TMTC1: variants seen among roughly 807,000 people sequenced by gnomAD.
The protein encoded by TMTC1 is transmembrane O-mannosyltransferase targeting cadherins 1, also known as protein O-mannosyl-transferase TMTC1.
Under a neutral mutation model 104.8 loss-of-function variants are expected in TMTC1, and 73 were observed. That is an observed-to-expected ratio of 0.70 (90% CI 0.58 to 0.85). The LOEUF (loss-of-function observed/expected upper bound fraction) is 0.85, where lower values mean the gene tolerates loss of function less well. Ranked by LOEUF, TMTC1 falls within the 40% of genes least tolerant of loss-of-function variation. TMTC1 has a pLI of 0.00. For synonymous variants in TMTC1, 434 were observed against 428.7 expected (o/e 1.01, Z -0.15); for missense variants, 1,035 against 1,096.1 (o/e 0.94, Z 0.79).
chr12:29,634,879 C>T (rs1938473589), intron 5 of TMTC1, among the ~76,000 whole-genome samples: 1 of 152,160 alleles, frequency 6.6e-6, no homozygotes, highest in South Asian at 2.1e-4. Flanking sequence ...GAATTCCTGT[C>T]AACAAATAGC....
At chr12:29,552,465 G>A (rs532394376) in intron 10 of TMTC1, among the ~76,000 whole-genome samples, 2 of 152,216 alleles carry the variant, frequency 1.3e-5, no homozygotes, top group East Asian at 3.9e-4. Flanking sequence ...TAAATTACAT[G>A]TATGGCTCTC....
chr12:29,605,901 C>T (rs955254805), intron 6 of TMTC1, among the ~76,000 whole-genome samples: 1 of 152,024 alleles, frequency 6.6e-6, no homozygotes, highest in Non-Finnish European at 1.5e-5. Flanking sequence ...TCTATTGTTC[C>T]CGTCTTTACG....
chr12:29,530,345 T>C (rs1944467342), intron 11 of TMTC1, among the ~76,000 whole-genome samples: 1 of 152,180 alleles, frequency 6.6e-6, no homozygotes, highest in South Asian at 2.1e-4. Flanking sequence ...CACTGCTGAT[T>C]TCAACCAACC....
chr12:29,659,502 C>T (rs921220618), intron 5 of TMTC1, among the ~76,000 whole-genome samples: 4 of 152,162 alleles, frequency 2.6e-5, no homozygotes, highest in African/African-American at 7.2e-5. Context: ...CCATCATCTT[C>T]GGCCATGAAT....
At chr12:29,643,647 G>A (rs868838455) in intron 5 of TMTC1, among the ~76,000 whole-genome samples, 10 of 4,128 alleles carry the variant, frequency 2.4e-3, no homozygotes, top group African/African-American at 7.4e-3. Flanking sequence ...TAATATATAT[G>A]TTATATTATA....
At chr12:29,635,555 T>C (rs1390884571) in intron 5 of TMTC1, among the ~76,000 whole-genome samples, 2 of 152,240 alleles carry the variant, frequency 1.3e-5, no homozygotes, top group Non-Finnish European at 2.9e-5. Context: ...TTATTTATAA[T>C]AGTTAGGTCA....
chr12:29,766,320 C>G (rs1035851010), intron 2 of TMTC1, among the ~76,000 whole-genome samples: 3 of 152,198 alleles, frequency 2.0e-5, no homozygotes, highest in Admixed American at 6.5e-5. Context: ...CATCATCAAA[C>G]CAACTGGTCA....
intron 5 of TMTC1, among the ~76,000 whole-genome samples, chr12:29,685,626 A>C (rs559930130): frequency 6.6e-6 from 1 of 152,122 alleles, no homozygotes; most frequent in Non-Finnish European, 1.5e-5. Flanking sequence ...TATTAAAAAA[A>C]CATAACTTTC....
chr12:29,587,050 G>A (rs1285661130), intron 7 of TMTC1, among the ~76,000 whole-genome samples: 1 of 152,126 alleles, frequency 6.6e-6, no homozygotes, highest in Non-Finnish European at 1.5e-5. Flanking sequence ...ATTCGGCTGT[G>A]AATCCATCTG....
intron 2 of TMTC1, among the ~76,000 whole-genome samples, chr12:29,763,128 G>A (rs752282027): frequency 2.9e-4 from 44 of 152,230 alleles, no homozygotes; most frequent in Middle Eastern, 3.2e-3. Flanking sequence ...TGTTAAAGGC[G>A]TCCTGCAGCC....
intron 1 of TMTC1, among the ~76,000 whole-genome samples, chr12:29,771,655 G>T (rs1026643613): frequency 1.3e-5 from 2 of 152,136 alleles, no homozygotes; most frequent in African/African-American, 4.8e-5. Flanking sequence ...TGCAGACATG[G>T]GGAAGAGGGA....
intron 6 of TMTC1, among the ~76,000 whole-genome samples, chr12:29,616,458 G>A (rs1404738750): frequency 6.6e-6 from 1 of 152,040 alleles, no homozygotes; most frequent in Non-Finnish European, 1.5e-5. Context: ...GATCACCTGA[G>A]GTCAAGAGTT....
chr12:29,634,106 G>T (rs1206582281), intron 5 of TMTC1, among the ~76,000 whole-genome samples: 5 of 152,152 alleles, frequency 3.3e-5, no homozygotes, highest in African/African-American at 1.2e-4. Flanking sequence ...GTGTCCCTGG[G>T]ATGACCCCAG....
At chr12:29,723,853 G>A (rs1942306372) in intron 5 of TMTC1, among the ~76,000 whole-genome samples, 1 of 152,086 alleles carries the variant, frequency 6.6e-6, no homozygotes, top group African/African-American at 2.4e-5. Flanking sequence ...GAGACATTTG[G>A]TTATTCATAT....
At chr12:29,679,261 T>C (rs544940987) in intron 5 of TMTC1, among the ~76,000 whole-genome samples, 3 of 151,254 alleles carry the variant, frequency 2.0e-5, no homozygotes, top group African/African-American at 7.3e-5. Flanking sequence ...ATTAGTGAGC[T>C]ATGCAGCAAA....
chr12:29,713,300 TACACACAC>T (rs10574727), intron 5 of TMTC1, among the ~76,000 whole-genome samples: 89 of 134,492 alleles, frequency 6.6e-4, no homozygotes, highest in African/African-American at 1.4e-3. Context: ...CATAAACACA[TACACACAC>T]ACACACACAC....
chr12:29,606,666 G>A (rs568687138), intron 6 of TMTC1, among the ~76,000 whole-genome samples: 1 of 152,142 alleles, frequency 6.6e-6, no homozygotes, highest in Non-Finnish European at 1.5e-5. Context: ...AAGAGTGCAG[G>A]TATAAACAGA....
intron 1 of TMTC1, among the ~76,000 whole-genome samples, chr12:29,770,896 T>C (rs970977805): frequency 1.3e-5 from 2 of 152,134 alleles, no homozygotes; most frequent in Non-Finnish European, 2.9e-5. Context: ...GGTTCACTGA[T>C]TAACCTCATA....
chr12:29,597,474 T>C (rs1429668960), intron 7 of TMTC1, among the ~76,000 whole-genome samples: 1 of 151,994 alleles, frequency 6.6e-6, no homozygotes, highest in East Asian at 1.9e-4. Context: ...CTGACCACTT[T>C]TGTAGGGCCA....
Sources: allele counts gnomAD v4.1 joint callset (sites outside exome capture counted in the v4.1 genomes callset), GRCh38; gene constraint gnomAD v4.1.1; transcripts MANE v1.5; gene names NCBI Gene and HGNC (gene_info 2026-07-23, HGNC 2026-07-21).